The following OLFML2B variants were observed in gnomAD, a reference collection of about 807,000 sequenced individuals.
The protein encoded by OLFML2B is olfactomedin-like protein 2B.
OLFML2B carries 57 observed loss-of-function variants against 74.9 expected under a neutral mutation model. That is an observed-to-expected ratio of 0.76 (90% CI 0.61 to 0.95). The LOEUF (loss-of-function observed/expected upper bound fraction) is 0.95, where lower values mean the gene tolerates loss of function less well. Among genes scored for constraint, OLFML2B ranks in the 40% least tolerant of loss-of-function variants. OLFML2B has a pLI of 0.00. For missense variants in OLFML2B, 986 were observed against 970.6 expected (o/e 1.02, Z -0.21); for synonymous variants, 388 against 405.8 (o/e 0.96, Z 0.53).
chr1:162,023,375 C>G lies in OLFML2B; in HGVS notation c.56G>C (p.Trp19Ser). ...LYFALIVVPAWVSSIVLTGTS... is the reference protein window; with the variant it reads ...LYFALIVVPASVSSIVLTGTS... ...CCCTGTGAGGACAATGCTGGACACC[C>G]AGGCCGGAACCACAATCAGAGCGAA... The change falls in exon 1 of 8, where the codon TGG (tryptophan) becomes TCG (serine). Residue 19 changes from tryptophan (W) to serine (S), a missense_variant. By Grantham distance (177) the Trp-to-Ser change is radical. Transcript: ENST00000294794. 2 of 1,603,964 alleles carry G rather than the reference C, an allele frequency of 1.2e-6. No individual in the cohort carries two copies. Among genetic ancestry groups the G allele is most frequent in the East Asian group, 2.3e-5 (1 of 44,120 alleles).
chr1:162,016,447 C>A (rs879342940), intron 3 of OLFML2B, among the ~76,000 whole-genome samples: 7 of 152,134 alleles, frequency 4.6e-5, no homozygotes, highest in Non-Finnish European at 8.8e-5. Flanking sequence ...CATGATAGCC[C>A]CCCAAAAGTC....
At chr1:161,997,214 C>G (rs1689936117) in intron 6 of OLFML2B, among the ~76,000 whole-genome samples, 1 of 152,192 alleles carries the variant, frequency 6.6e-6, no homozygotes, top group African/African-American at 2.4e-5. Flanking sequence ...TCAAATGACA[C>G]CTCCTTAGAA....
rs375956791 is a variant in OLFML2B, at chr1:161,983,835, T to C, written c.2093A>G (p.Tyr698Cys). Residue 698 changes from tyrosine to cysteine, a missense_variant, in exon 8 of 8, where the codon TAC becomes TGC. Transcript: ENST00000294794. ...SYNQRNANISYAFDTHTNTQI... is the reference protein window; with the variant it reads ...SYNQRNANISCAFDTHTNTQI... Reference sequence around the variant, plus strand: ...TGTGTTGGTGTGGGTGTCGAAAGCGTAGGAGATGTTGGCATTCCGCTGGTT... The same window carrying C: ...TGTGTTGGTGTGGGTGTCGAAAGCGCAGGAGATGTTGGCATTCCGCTGGTT... 19 of 1,614,010 alleles carry C rather than the reference T, an allele frequency of 1.2e-5. No individual in the cohort carries two copies. Among genetic ancestry groups the C allele is most frequent in the Middle Eastern group, 1.6e-4 (1 of 6,084 alleles).
intron 6 of OLFML2B, among the ~76,000 whole-genome samples, chr1:161,988,349 C>A (rs979772194): frequency 5.9e-5 from 9 of 152,114 alleles, no homozygotes; most frequent in African/African-American, 1.9e-4. Flanking sequence ...GCCTTCCTGG[C>A]TCTCCCCAGC....
chr1:162,000,170 C>G lies in OLFML2B; in HGVS notation c.892G>C (p.Gly298Arg). 3.1e-6 allele frequency: 5 copies of G among 1,613,260 alleles called. No individual in the cohort carries two copies. Among genetic ancestry groups the G allele is most frequent in the Non-Finnish European group, 4.2e-6 (5 of 1,179,432 alleles). The change falls in exon 5 of 8, where the codon GGC (glycine) becomes CGC (arginine). Residue 298 changes from glycine to arginine, a missense_variant. Gly to Arg is a moderately radical substitution (Grantham distance 125). Transcript: ENST00000294794. Reference sequence around the variant, plus strand: ...ACCTTGGCTTTATAGTAGGTGATGCCCCGGATGACAGTGGGCTGGGAGGCC... The same window carrying G: ...ACCTTGGCTTTATAGTAGGTGATGCGCCGGATGACAGTGGGCTGGGAGGCC... Reference protein sequence around the residue: ...RPASQPTVIRGITYYKAKVSE... With the variant: ...RPASQPTVIRRITYYKAKVSE...
intron 3 of OLFML2B, among the ~76,000 whole-genome samples, chr1:162,008,020 G>A (rs961650970): frequency 3.3e-5 from 5 of 152,188 alleles, no homozygotes; most frequent in Non-Finnish European, 5.9e-5. Flanking sequence ...CTTCCCGGGT[G>A]CGCAGTCACT....
chr1:161,989,706 T>C (rs891246036), intron 6 of OLFML2B, among the ~76,000 whole-genome samples: 5 of 152,216 alleles, frequency 3.3e-5, no homozygotes, highest in Admixed American at 6.5e-5. Context: ...AGTCTAACAG[T>C]GCAGCCTGTT....
intron 7 of OLFML2B, among the ~76,000 whole-genome samples, chr1:161,984,519 G>T (rs1689531661): frequency 6.6e-6 from 1 of 152,200 alleles, no homozygotes; most frequent in South Asian, 2.1e-4. Context: ...TAATATACAT[G>T]AATGTGGTTC....
intron 3 of OLFML2B, among the ~76,000 whole-genome samples, chr1:162,013,820 A>G (rs1480564217): frequency 6.6e-6 from 1 of 152,108 alleles, no homozygotes; most frequent in East Asian, 1.9e-4. Flanking sequence ...AGCAATAAAA[A>G]TGAATGAACC....
intron 3 of OLFML2B, among the ~76,000 whole-genome samples, chr1:162,011,194 AGGAGGCTGCCTG>A (rs552818701): frequency 2.0e-5 from 3 of 152,306 alleles, no homozygotes; most frequent in East Asian, 3.9e-4. Flanking sequence ...GCCATATCTA[AGGAGGCTGCCTG>A]GGAGGCTGCC....
intron 6 of OLFML2B, among the ~76,000 whole-genome samples, chr1:161,991,571 C>T (rs1291182625): frequency 1.3e-5 from 2 of 152,142 alleles, no homozygotes; most frequent in South Asian, 2.1e-4. Flanking sequence ...TCCATCTCTA[C>T]TAAAAATACA....
rs761085046 is a variant in OLFML2B, at chr1:162,020,156, C to T, written c.201G>A (p.Lys67=). Residue 67 remains lysine, a synonymous_variant, in exon 2 of 8, where the codon AAG becomes AAA. Coordinates refer to ENST00000294794, the MANE Select transcript of OLFML2B (RefSeq NM_015441.3). ...GACAGTCCGAGCCCTCAGACATAGC[C>T]TTGACCTTGTCATAGTCCCCCAGCA... ...SQLLGDYDKV[K]AMSEGSDCQC... 1 of 1,614,210 alleles carries T rather than the reference C, an allele frequency of 6.2e-7. No individual in the cohort carries two copies. Among genetic ancestry groups the T allele is most frequent in the South Asian group, 1.1e-5 (1 of 91,084 alleles).
At chr1:161,994,284 A>T (rs1490378182) in intron 6 of OLFML2B, among the ~76,000 whole-genome samples, 1 of 152,242 alleles carries the variant, frequency 6.6e-6, no homozygotes, top group Non-Finnish European at 1.5e-5. Context: ...GCTGCCCCAG[A>T]CCAGCCTCCC....
Position 161,983,262 on chromosome 1 carries a change from T to C in OLFML2B, c.*413A>G, listed in dbSNP as rs1195006402. 6.5e-6 allele frequency: 1 copy of C among 154,836 alleles called. No individual in the cohort carries two copies. The highest frequency in any genetic ancestry group is 2.4e-5 in the African/African-American group (1 of 41,418). The allele number at this position is 154,836 out of a possible 1,614,324, so 9.6% of individuals were successfully genotyped here. On this transcript the variant is annotated 3_prime_UTR_variant, in exon 8 of 8. Coordinates refer to ENST00000294794, the MANE Select transcript of OLFML2B (RefSeq NM_015441.3). Reference sequence around the variant, plus strand: ...GGTTTTTTAAAACTTCTCCAATACATTAAAACTTTTTTTCTCGCCACATAG... The same window carrying C: ...GGTTTTTTAAAACTTCTCCAATACACTAAAACTTTTTTTCTCGCCACATAG...
At chr1:162,014,350 C>T (rs147644869) in intron 3 of OLFML2B, among the ~76,000 whole-genome samples, 1,650 of 152,290 alleles carry the variant, frequency 0.011, 14 homozygotes, top group Middle Eastern at 0.02. Context: ...TCTCTCCTTC[C>T]TTCCTCTTTC....
intron 3 of OLFML2B, among the ~76,000 whole-genome samples, chr1:162,007,645 C>T (rs928649098): frequency 6.6e-6 from 1 of 152,124 alleles, no homozygotes; most frequent in Non-Finnish European, 1.5e-5. Context: ...GCTGACATTG[C>T]CAGGCACAGC....
intron 3 of OLFML2B, among the ~76,000 whole-genome samples, chr1:162,014,115 T>G (rs1690467947): frequency 6.6e-6 from 1 of 152,192 alleles, no homozygotes; most frequent in East Asian, 1.9e-4. Flanking sequence ...GGGGGCCTTT[T>G]GGGGTATTAA....
Position 161,983,758 on chromosome 1 carries a change from T to C in OLFML2B, c.2170A>G (p.Ile724Val). 1 of 1,613,936 alleles carries C rather than the reference T, an allele frequency of 6.2e-7. No individual in the cohort carries two copies. The highest frequency in any genetic ancestry group is 1.1e-5 in the South Asian group (1 of 91,058). The change falls in exon 8 of 8, where the codon ATA becomes GTA. Residue 724 changes from isoleucine to valine, a missense_variant. Coordinates refer to ENST00000294794, the MANE Select transcript of OLFML2B (RefSeq NM_015441.3). ...AGGCGGTCCTTGGGGTTGTAGTCTA[T>C]CTGGGTCGTATAGGAATACTCATTC... ...FENEYSYTTQ[I>V]DYNPKDRLLY...
chr1:161,997,814 A>C lies in OLFML2B; in HGVS notation c.1474+11T>G. ...TGATCAGGAGACCAAGGCCAGGTAC[A>C]ATGAACTTACCTATGACATTCCGGA... On this transcript the variant is annotated intron_variant, in intron 6 of 7. Coordinates refer to ENST00000294794, the MANE Select transcript of OLFML2B (RefSeq NM_015441.3). 1 of 1,602,756 alleles carries C rather than the reference A, an allele frequency of 6.2e-7. No individual in the cohort carries two copies. The highest frequency in any genetic ancestry group is 8.5e-7 in the Non-Finnish European group (1 of 1,172,274).
Sources: allele counts gnomAD v4.1 joint callset (sites outside exome capture counted in the v4.1 genomes callset), GRCh38; gene constraint gnomAD v4.1.1; transcripts MANE v1.5; gene names NCBI Gene and HGNC (gene_info 2026-07-23, HGNC 2026-07-21).